DNAH7: variants seen among roughly 807,000 people sequenced by gnomAD.
DNAH7 encodes axonemal beta dynein heavy chain 7.
Under a neutral mutation model 444.6 loss-of-function variants are expected in DNAH7, and 397 were observed. That is an observed-to-expected ratio of 0.89 (90% CI 0.82 to 0.97). The LOEUF is 0.97. DNAH7 is among the 50% of genes least tolerant of loss of function. The pLI, the probability that DNAH7 is intolerant of heterozygous loss-of-function variation, is 0.00. For missense variants in DNAH7, 4,902 were observed against 4,800.8 expected, an observed-to-expected ratio of 1.02 and a Z score of -0.62; for synonymous variants, 1,636 against 1,624.4, an observed-to-expected ratio of 1.01 and a Z score of -0.17.
At chr2:195,955,382 A>C (rs965712965) in intron 19 of DNAH7, among the ~76,000 whole-genome samples, 4 of 152,052 alleles carry the variant, frequency 2.6e-5, no homozygotes, top group African/African-American at 4.8e-5. Context: ...CCATTGGTCT[A>C]TATCTCTGTT....
chr2:195,936,122 C>T (rs1380866355), intron 20 of DNAH7, among the ~76,000 whole-genome samples: 1 of 152,070 alleles, frequency 6.6e-6, no homozygotes, highest in Non-Finnish European at 1.5e-5. Context: ...GCCTGTAATC[C>T]CAGCACTTTG....
At chr2:195,803,913 A>G (rs182902095) in intron 54 of DNAH7, among the ~76,000 whole-genome samples, 2 of 152,324 alleles carry the variant, frequency 1.3e-5, no homozygotes, top group Admixed American at 6.5e-5. Context: ...AAACTATTAA[A>G]TTCTAAAGGA....
chr2:195,954,564 A>C (rs1327737344), intron 19 of DNAH7, among the ~76,000 whole-genome samples: 2 of 152,152 alleles, frequency 1.3e-5, no homozygotes, highest in African/African-American at 4.8e-5. Flanking sequence ...GGCTGGGTCA[A>C]ATGGTATTTC....
chr2:196,032,682 T>C (rs1175947352), intron 5 of DNAH7, among the ~76,000 whole-genome samples: 2 of 152,200 alleles, frequency 1.3e-5, no homozygotes, highest in Non-Finnish European at 2.9e-5. Context: ...CTAATGAATT[T>C]GATCAAACAA....
intron 51 of DNAH7, among the ~76,000 whole-genome samples, chr2:195,811,102 A>C (rs866102491): frequency 6.6e-6 from 1 of 152,248 alleles, no homozygotes; most frequent in Admixed American, 6.5e-5. Flanking sequence ...TTTTAAGGTG[A>C]AAAAGAAGAT....
In DNAH7 at chr2:196,048,367, G is replaced by A; in HGVS notation, c.179C>T (p.Ser60Leu). ...ATCCTGCTTTACACTCAAATGGAAT[G>A]ATGGAGCTGCCTGCTGCCAGTGGGG... ...TKPHWQQAAP[S>L]FHLSVKQDDE... Residue 60 changes from serine to leucine, a missense_variant, in exon 4 of 65, where the codon TCA (serine) becomes TTA (leucine). Ser to Leu is a moderately radical substitution (Grantham distance 145). Coordinates refer to ENST00000312428, the MANE Select transcript of DNAH7 (RefSeq NM_018897.3). 2 of 1,614,024 alleles carry A rather than the reference G, an allele frequency of 1.2e-6. No homozygotes were observed. Among genetic ancestry groups the A allele is most frequent in the African/African-American group, 1.3e-5 (1 of 75,058 alleles).
At chr2:195,965,925 T>G (rs981038563) in intron 17 of DNAH7, among the ~76,000 whole-genome samples, 3 of 152,054 alleles carry the variant, frequency 2.0e-5, no homozygotes, top group Non-Finnish European at 2.9e-5. Context: ...ATCATTAATT[T>G]TTATTGTTTT....
chr2:195,740,613 GTGTATATA>G (rs1466192031), intron 64 of DNAH7, among the ~76,000 whole-genome samples, 145 bp downstream of exon 64: 7,417 of 69,604 alleles, frequency 0.11, 191 homozygotes, highest in Middle Eastern at 0.21. Context: ...GTGTGTGTGT[GTGTATATA>G]TATATATATA....
At chr2:195,786,445 C>T (rs1695625464) in intron 58 of DNAH7, among the ~76,000 whole-genome samples, 2 of 152,164 alleles carry the variant, frequency 1.3e-5, no homozygotes, top group African/African-American at 2.4e-5. Context: ...AGGGTACCGC[C>T]ATGCTGCATG....
chr2:195,964,896 A>G (rs942337341), intron 17 of DNAH7, among the ~76,000 whole-genome samples: 1 of 151,030 alleles, frequency 6.6e-6, no homozygotes, highest in Non-Finnish European at 1.5e-5. Context: ...AAAAAAGTTC[A>G]TATCATCTAC....
At chr2:195,848,226 T>A (rs1699131627) in intron 46 of DNAH7, among the ~76,000 whole-genome samples, 1 of 152,202 alleles carries the variant, frequency 6.6e-6, no homozygotes, top group Admixed American at 6.5e-5. Flanking sequence ...AGAAAGGGCA[T>A]CACAGTTTTG....
At chr2:195,994,478 A>G (rs1037186253) in intron 12 of DNAH7, 3 of 511,436 alleles carry the variant, frequency 5.9e-6, no homozygotes, top group East Asian at 5.0e-5. Context: ...AAATTGACCA[A>G]TCGCCATGTC....
chr2:196,005,299 C>CA (rs1312023614), intron 10 of DNAH7, among the ~76,000 whole-genome samples: 12 of 142,890 alleles, frequency 8.4e-5, no homozygotes, highest in African/African-American at 2.9e-4. Context: ...AACAAACAAA[C>CA]AAACAAAAAT....
chr2:196,027,991 G>A lies in DNAH7; in HGVS notation c.455C>T (p.Pro152Leu), dbSNP rs181700830. 3,446 of 1,611,876 alleles carry A rather than the reference G, an allele frequency of 2.1e-3. 5 individuals carry two copies. The highest frequency in any genetic ancestry group is 2.7e-3 in the Non-Finnish European group (3,143 of 1,178,748). Residue 152 changes from proline to leucine, a missense_variant, in exon 6 of 65, where the codon CCG (proline) becomes CTG (leucine). By Grantham distance (98) the Pro-to-Leu change is moderately conservative. Coordinates refer to ENST00000312428, the MANE Select transcript of DNAH7 (RefSeq NM_018897.3). ...GTCTTTCTCTATAGCAGAAGCGGTC[G>A]GTTTTGGAATTGTGCTTCCATCAGG... ...AVPDGSTIPK[P>L]TASAIEKDIL...
intron 9 of DNAH7, among the ~76,000 whole-genome samples, chr2:196,015,942 C>T (rs1430015419): frequency 1.3e-5 from 2 of 152,218 alleles, no homozygotes; most frequent in Non-Finnish European, 2.9e-5. Flanking sequence ...GCTCTTCTTT[C>T]ACCCACAGAC....
At chr2:195,778,489 T>G (rs1695176745) in intron 58 of DNAH7, among the ~76,000 whole-genome samples, 1 of 148,126 alleles carries the variant, frequency 6.8e-6, no homozygotes, top group African/African-American at 2.5e-5. Flanking sequence ...AAAAAAAAAG[T>G]AACCAGGTAT....
At chr2:195,920,245 C>T (rs1317743693) in intron 24 of DNAH7, among the ~76,000 whole-genome samples, 1 of 152,076 alleles carries the variant, frequency 6.6e-6, no homozygotes, top group South Asian at 2.1e-4. Context: ...AAAGAGCCTG[C>T]CTAGCCAAAG....
intron 54 of DNAH7, among the ~76,000 whole-genome samples, chr2:195,803,587 A>G (rs901739479): frequency 6.6e-6 from 1 of 152,246 alleles, no homozygotes; most frequent in Non-Finnish European, 1.5e-5. Context: ...AGGTTTGTAA[A>G]ATGAAATCTG....
At chr2:195,818,921 A>G (rs1697343554) in intron 49 of DNAH7, among the ~76,000 whole-genome samples, 1 of 151,990 alleles carries the variant, frequency 6.6e-6, no homozygotes, top group South Asian at 2.1e-4. Flanking sequence ...TGTATCACCA[A>G]TCTTTTTAAT....
Sources: gnomAD v4.1 joint callset for allele counts (sites outside exome capture counted in the v4.1 genomes callset) on GRCh38, gnomAD v4.1.1 for gene constraint, MANE v1.5 for transcripts, NCBI Gene and HGNC (gene_info 2026-07-23, HGNC 2026-07-21) for gene names.